Variants in LRP1B observed in about 807,000 individuals in gnomAD.
The protein encoded by LRP1B is low-density lipoprotein receptor-related protein 1B.
In LRP1B, 217 loss-of-function variants were observed where a neutral mutation model predicts 556.6. The ratio of observed to expected loss-of-function variants is 0.39; its 90% confidence interval spans 0.35 to 0.44. The LOEUF (loss-of-function observed/expected upper bound fraction) is 0.44, where lower values mean the gene tolerates loss of function less well. Ranked by LOEUF, LRP1B falls within the 20% of genes least tolerant of loss-of-function variation. The pLI, the probability that LRP1B is intolerant of heterozygous loss-of-function variation, is 1.00. For synonymous variants in LRP1B, 2,047 were observed against 1,865.8 expected (o/e 1.10, Z -2.50); for missense variants, 5,053 against 5,620.8 (o/e 0.90, Z 3.23).
chr2:140,780,841 C>A (rs571485252), intron 32 of LRP1B, among the ~76,000 whole-genome samples: 4 of 152,088 alleles, frequency 2.6e-5, no homozygotes, highest in Admixed American at 1.3e-4. Flanking sequence ...AGAAAAAAAT[C>A]TTTCTTCCTT....
At chr2:141,950,929 T>G (rs1467455094) in intron 1 of LRP1B, among the ~76,000 whole-genome samples, 1 of 152,118 alleles carries the variant, frequency 6.6e-6, no homozygotes, top group East Asian at 1.9e-4. Context: ...ATCTGTAAAA[T>G]TTGCTTGGTT....
chr2:140,525,240 T>A (rs900188081), intron 49 of LRP1B, among the ~76,000 whole-genome samples: 1 of 151,604 alleles, frequency 6.6e-6, no homozygotes, highest in African/African-American at 2.4e-5. Flanking sequence ...TTTTTATAAT[T>A]TTTTTTTAAT....
At chr2:141,935,822 G>A (rs1311889524) in intron 1 of LRP1B, among the ~76,000 whole-genome samples, 1 of 152,138 alleles carries the variant, frequency 6.6e-6, no homozygotes, top group Non-Finnish European at 1.5e-5. Context: ...AATCCAAAAA[G>A]CACTATTTGA....
chr2:141,404,813 A>C (rs1259176964), intron 3 of LRP1B, among the ~76,000 whole-genome samples: 1 of 152,200 alleles, frequency 6.6e-6, no homozygotes, highest in East Asian at 1.9e-4. Context: ...GGTTAACATA[A>C]AACCTGTGAG....
intron 41 of LRP1B, chr2:140,683,715 A>C (rs1433527531): frequency 9.4e-6 from 7 of 744,950 alleles, no homozygotes; most frequent in Non-Finnish European, 1.4e-5. Context: ...CATTAGAGAC[A>C]CTCTGTGCTC....
In LRP1B at chr2:141,817,398, T is replaced by G. The variant is rs574711254; in HGVS notation, c.83-6997A>C. 3.3e-5 allele frequency among the ~76,000 whole-genome samples: 5 copies of G among 152,250 alleles called. No homozygotes were observed. In the South Asian group the frequency reaches 1.0e-3, roughly 31 times the overall value. ...TAGGACAAGCATAGCCTACACAGTT[T>G]ACTCAGTTTGGATTCACCCTGGCAT... On this transcript the variant is annotated intron_variant, in intron 1 of 90. Coordinates refer to ENST00000389484, the MANE Select transcript of LRP1B (RefSeq NM_018557.3).
intron 5 of LRP1B, among the ~76,000 whole-genome samples, chr2:141,236,699 A>T (rs1683657677): frequency 6.6e-6 from 1 of 152,200 alleles, no homozygotes; most frequent in Non-Finnish European, 1.5e-5. Flanking sequence ...GAAACGTCTT[A>T]CACACTGCCT....
chr2:141,642,009 C>A (rs12465026), intron 2 of LRP1B, among the ~76,000 whole-genome samples: 118,709 of 149,342 alleles, frequency 0.79, 46,519 homozygotes, highest in East Asian at 0.87. Context: ...ACAAACAAAA[C>A]CCCCCCCCAA....
chr2:140,311,593 A>G (rs1473796513), intron 83 of LRP1B, among the ~76,000 whole-genome samples: 2 of 151,840 alleles, frequency 1.3e-5, no homozygotes, highest in African/African-American at 2.4e-5. Flanking sequence ...TAATGGTTAC[A>G]CTAACAGTCC....
At position 141,050,436 on chromosome 2, in the gene LRP1B, C is replaced by T. The variant is rs113352676; in HGVS notation, c.1553-1214G>A. On this transcript the variant is annotated intron_variant, in intron 10 of 90. Transcript: ENST00000389484. The stretch of plus-strand genomic sequence containing the variant: ...ATGGTGGTTTGCTGCACCTATCAAC[C>T]GGTCATCTAGGTTTTAAGCCCCACA... Among the ~76,000 whole-genome samples the T allele has an allele frequency of 9.0e-3, 1,366 of 151,950 alleles. 19 individuals carry two copies. Among genetic ancestry groups the T allele is most frequent in the African/African-American group, 0.03 (1,264 of 41,458 alleles).
In LRP1B at chr2:141,396,053, T is replaced by C. The variant is rs530095170; in HGVS notation, c.343+84343A>G. 3.9e-4 allele frequency among the ~76,000 whole-genome samples: 59 copies of C among 152,342 alleles called. 1 individual carries two copies. Among genetic ancestry groups the C allele is most frequent in the African/African-American group, 1.4e-3 (57 of 41,584 alleles). On this transcript the variant is annotated intron_variant, in intron 3 of 90. Coordinates refer to ENST00000389484, the MANE Select transcript of LRP1B (RefSeq NM_018557.3). Reference sequence around the variant, plus strand: ...ACAAGACTAAAGCCATTATTTTTTATGATTATTTGGTAAGTTTATAGATTC... The same window carrying C: ...ACAAGACTAAAGCCATTATTTTTTACGATTATTTGGTAAGTTTATAGATTC...
At chr2:141,889,346 A>T (rs947710450) in intron 1 of LRP1B, among the ~76,000 whole-genome samples, 6 of 152,170 alleles carry the variant, frequency 3.9e-5, no homozygotes, top group Non-Finnish European at 1.5e-5. Context: ...TGAAATTATG[A>T]TAAAGAATAT....
intron 86 of LRP1B, among the ~76,000 whole-genome samples, chr2:140,252,273 A>G (rs1681471744): frequency 6.6e-6 from 1 of 151,736 alleles, no homozygotes; most frequent in Non-Finnish European, 1.5e-5. Flanking sequence ...AAGGATTCCT[A>G]ATTTTTATAA....
At chr2:141,723,650 G>T (rs1315585536) in intron 2 of LRP1B, among the ~76,000 whole-genome samples, 1 of 151,708 alleles carries the variant, frequency 6.6e-6, no homozygotes, top group African/African-American at 2.4e-5. Flanking sequence ...TTATTTTAAA[G>T]ATCTTTGTTT....
chr2:140,634,641 T>C (rs534416810), intron 41 of LRP1B, among the ~76,000 whole-genome samples: 2 of 152,084 alleles, frequency 1.3e-5, no homozygotes, highest in African/African-American at 4.8e-5. Context: ...GTTGGTGGTA[T>C]GCATATTTGA....
intron 2 of LRP1B, among the ~76,000 whole-genome samples, chr2:141,730,083 CAT>C (rs1330269715): frequency 2.6e-5 from 4 of 152,266 alleles, no homozygotes; most frequent in East Asian, 3.9e-4. Flanking sequence ...ATTTGAAAAA[CAT>C]GTGAAGATCA....
At chr2:141,430,778 T>G (rs1437544799) in intron 3 of LRP1B, among the ~76,000 whole-genome samples, 1 of 152,120 alleles carries the variant, frequency 6.6e-6, no homozygotes, top group Non-Finnish European at 1.5e-5. Flanking sequence ...AATGCCAATC[T>G]AGGTGCTGTT....
chr2:140,723,514 T>C (rs1687487590), intron 35 of LRP1B, among the ~76,000 whole-genome samples: 1 of 147,302 alleles, frequency 6.8e-6, no homozygotes, highest in African/African-American at 2.5e-5. Context: ...AACACATTTC[T>C]CCGTTTTTAT....
chr2:141,197,756 T>G (rs1237104563), intron 6 of LRP1B, among the ~76,000 whole-genome samples: 2 of 152,032 alleles, frequency 1.3e-5, no homozygotes, highest in Non-Finnish European at 2.9e-5. Flanking sequence ...AGTAGTGAAG[T>G]TATGTAACAG....
Sources: gnomAD v4.1 joint callset for allele counts (sites outside exome capture counted in the v4.1 genomes callset) on GRCh38, gnomAD v4.1.1 for gene constraint, MANE v1.5 for transcripts, NCBI Gene and HGNC (gene_info 2026-07-23, HGNC 2026-07-21) for gene names.